Variants in CARM1 observed in about 807,000 individuals in gnomAD.
CARM1 encodes histone-arginine methyltransferase CARM1.
In CARM1, 14 loss-of-function variants were observed where a neutral mutation model predicts 72.7. That is an observed-to-expected ratio of 0.19 (90% CI 0.13 to 0.30). The LOEUF is 0.30. CARM1 is among the 10% of genes least tolerant of loss of function. The pLI is 1.00. For missense variants in CARM1, 432 were observed against 833.7 expected (o/e 0.52, Z 5.93); for synonymous variants, 333 against 345.5 (o/e 0.96, Z 0.40).
intron 1 of CARM1, among the ~76,000 whole-genome samples, chr19:10,893,021 CA>C (rs1225768247): frequency 6.6e-6 from 1 of 151,766 alleles, no homozygotes; most frequent in African/African-American, 2.4e-5. Flanking sequence ...AGGCGTGAGC[CA>C]ACACTCCCGG....
chr19:10,917,262 A>T (rs1004934874), intron 8 of CARM1, among the ~76,000 whole-genome samples: 2 of 152,072 alleles, frequency 1.3e-5, no homozygotes, highest in African/African-American at 4.8e-5. Flanking sequence ...CAAGGCGGGC[A>T]GATCACGAGG....
chr19:10,907,323 A>C (rs1029838902), intron 2 of CARM1, among the ~76,000 whole-genome samples: 1 of 152,174 alleles, frequency 6.6e-6, no homozygotes, highest in Non-Finnish European at 1.5e-5. Context: ...GTTGAGAACC[A>C]CTGTCCCCAG....
At chr19:10,908,874 C>A in intron 3 of CARM1, 1 of 438,760 alleles carries the variant, frequency 2.3e-6, no homozygotes, top group African/African-American at 2.1e-5. Flanking sequence ...CAGGCGGCAT[C>A]AGCTGTTGCC....
chr19:10,910,256 C>T (rs1333247753), intron 4 of CARM1, among the ~76,000 whole-genome samples: 1 of 152,174 alleles, frequency 6.6e-6, no homozygotes, highest in Middle Eastern at 3.2e-3. Flanking sequence ...GCAGGTGGAT[C>T]ACTTGAGGTT....
intron 3 of CARM1, 24 bp downstream of exon 3, chr19:10,908,169 A>G: frequency 6.6e-7 from 1 of 1,522,082 alleles, no homozygotes; most frequent in Non-Finnish European, 9.1e-7. Context: ...CCCCTCAGCC[A>G]GGCCGCCTCC....
intron 4 of CARM1, among the ~76,000 whole-genome samples, chr19:10,911,217 G>A (rs1382676482): frequency 6.6e-6 from 1 of 152,146 alleles, no homozygotes; most frequent in Non-Finnish European, 1.5e-5. Context: ...TCAAATGGGA[G>A]CCTGTTTTTT....
At position 10,916,753 on chromosome 19, in the gene CARM1, T is replaced by C; in HGVS notation, c.996T>C (p.Asp332=). 6.4e-7 allele frequency: 1 copy of C among 1,551,462 alleles called. No individual in the cohort carries two copies. The highest frequency in any genetic ancestry group is 2.4e-5 in the East Asian group (1 of 41,082). ...DLSALRGAAV[D]EYFRQPVVDT... is the part of the protein sequence containing the mutation. ...CGGCCCTCCGAGGTGCCGCGGTGGA[T>C]GAGTATTTCCGGCAGCCTGTGGTGG... The change falls in exon 8 of 16, where the codon GAT becomes GAC. Residue 332 remains aspartate, a synonymous_variant. Transcript: ENST00000327064. The surrounding 1 kb of genome is among the most constrained non-coding windows in gnomAD (Gnocchi z 4.4).
chr19:10,911,065 A>G (rs1464988942), intron 4 of CARM1, among the ~76,000 whole-genome samples: 2 of 151,394 alleles, frequency 1.3e-5, no homozygotes, highest in Admixed American at 6.6e-5. Context: ...TAATTTTTGT[A>G]TTTTTAGTAG....
intron 1 of CARM1, among the ~76,000 whole-genome samples, chr19:10,874,277 C>T (rs187584615): frequency 3.0e-3 from 462 of 152,234 alleles, no homozygotes; most frequent in Non-Finnish European, 5.8e-3. Flanking sequence ...AGGAGAAAGT[C>T]CACATTCCTC....
chr19:10,879,008 C>T (rs1173998722), intron 1 of CARM1, among the ~76,000 whole-genome samples: 1 of 151,996 alleles, frequency 6.6e-6, no homozygotes, highest in African/African-American at 2.4e-5. Context: ...GGTATCGCCA[C>T]GTTGGCCAGG....
At position 10,909,077 on chromosome 19, in the gene CARM1, G is replaced by T. The variant is rs185297129; in HGVS notation, c.454-26G>T. 2,508 of 1,569,458 alleles carry T rather than the reference G, an allele frequency of 1.6e-3. 13 individuals carry two copies. The highest frequency in any genetic ancestry group is 2.5e-3 in the Middle Eastern group (15 of 5,950). On this transcript the variant is annotated intron_variant, in intron 3 of 15. Coordinates refer to ENST00000327064, the MANE Select transcript of CARM1 (RefSeq NM_199141.2). ...GCTGCCTCGTGCCACCATGTGCCCCGTGCCATCGGTATGTCTCTGTTCCAG... is the reference window on the plus strand; with the variant it reads ...GCTGCCTCGTGCCACCATGTGCCCCTTGCCATCGGTATGTCTCTGTTCCAG...
At chr19:10,901,243 A>G (rs1187303873) in intron 1 of CARM1, among the ~76,000 whole-genome samples, 1 of 152,054 alleles carries the variant, frequency 6.6e-6, no homozygotes, top group Non-Finnish European at 1.5e-5. Context: ...TCGGCCTCCC[A>G]AAGTGCTGGG....
In CARM1 at chr19:10,921,853, C is replaced by T. The variant is rs756936165; in HGVS notation, c.*96C>T. On this transcript the variant is annotated 3_prime_UTR_variant, in exon 16 of 16. Transcript: ENST00000327064. Reference sequence around the variant, plus strand: ...CTTTCCCCCTTGTACTGGAGAAGCTCGAACACCCGGTCACAGCTCTCTTTG... The same window carrying T: ...CTTTCCCCCTTGTACTGGAGAAGCTTGAACACCCGGTCACAGCTCTCTTTG... 14 of 1,218,312 alleles carry T rather than the reference C, an allele frequency of 1.1e-5. No individual in the cohort carries two copies. Among genetic ancestry groups the T allele is most frequent in the East Asian group, 5.0e-5 (2 of 40,328 alleles). 75.5% of individuals were successfully genotyped at this position (1,218,312 alleles called of 1,614,324 possible).
chr19:10,921,463 C>G lies in CARM1; in HGVS notation c.1684+20C>G. 6.9e-6 allele frequency: 11 copies of G among 1,595,866 alleles called. No homozygotes were observed. The highest frequency in any genetic ancestry group is 9.4e-6 in the Non-Finnish European group (11 of 1,170,316). ...TCCAAGGTAACGAGGGTGGCGGGGGCAGGGCCCGTGGGGGCCGAGCTAGCG... is the reference window on the plus strand; with the variant it reads ...TCCAAGGTAACGAGGGTGGCGGGGGGAGGGCCCGTGGGGGCCGAGCTAGCG... On this transcript the variant is annotated intron_variant, in intron 15 of 15. Transcript: ENST00000327064.
chr19:10,921,278 C>G (rs1011291941), intron 14 of CARM1, 97 bp from the exon 15 acceptor site: 8 of 1,490,652 alleles, frequency 5.4e-6, no homozygotes, highest in Non-Finnish European at 5.6e-6. Context: ...TCTCCGTCCT[C>G]TCTGCCTCGC....
chr19:10,907,282 C>T (rs1376821519), intron 2 of CARM1, among the ~76,000 whole-genome samples: 2 of 152,144 alleles, frequency 1.3e-5, no homozygotes, highest in Non-Finnish European at 2.9e-5. Flanking sequence ...GCAGTCCACC[C>T]GCCTCAGCCT....
chr19:10,891,716 G>C (rs748246040), intron 1 of CARM1, among the ~76,000 whole-genome samples: 5 of 152,224 alleles, frequency 3.3e-5, no homozygotes, highest in Non-Finnish European at 5.9e-5. Context: ...ATTGCCTTTT[G>C]TCTGGCTATC....
At chr19:10,901,544 T>G (rs940618013) in intron 1 of CARM1, among the ~76,000 whole-genome samples, 2 of 152,012 alleles carry the variant, frequency 1.3e-5, no homozygotes, top group Admixed American at 1.3e-4. Flanking sequence ...AGGCTGACCT[T>G]GAACTCCTGG....
intron 1 of CARM1, among the ~76,000 whole-genome samples, chr19:10,873,866 C>T (rs1354009474): frequency 6.6e-6 from 1 of 151,728 alleles, no homozygotes; most frequent in Admixed American, 6.6e-5. Context: ...GTCTTGATCT[C>T]CTGACCTCGT....
Sources: allele counts gnomAD v4.1 joint callset (sites outside exome capture counted in the v4.1 genomes callset), GRCh38; gene constraint gnomAD v4.1.1; non-coding constraint Gnocchi (gnomAD v3.1); transcripts MANE v1.5; gene names NCBI Gene and HGNC (gene_info 2026-07-23, HGNC 2026-07-21).